Variants in THRB observed in about 807,000 individuals in gnomAD.
THRB encodes thyroid hormone receptor beta.
Under a neutral mutation model 47.8 loss-of-function variants are expected in THRB, and 12 were observed. The observed-to-expected ratio is 0.25, with a 90% CI of 0.16 to 0.41. THRB has a LOEUF of 0.41. THRB is among the 10% of genes least tolerant of loss of function. The pLI is 1.00. For synonymous variants in THRB, 218 were observed against 212.2 expected (o/e 1.03, Z -0.24); for missense variants, 348 against 589.2 (o/e 0.59, Z 4.24).
At chr3:24,146,884 G>T in intron 6 of THRB, 62 bp from the exon 7 acceptor site, 1 of 1,514,394 alleles carries the variant, frequency 6.6e-7, no homozygotes, top group South Asian at 1.1e-5. Flanking sequence ...AGTGATTCTG[G>T]AATTTTGTGT....
intron 4 of THRB, among the ~76,000 whole-genome samples, chr3:24,191,933 G>A (rs1290219107): frequency 6.6e-6 from 1 of 152,210 alleles, no homozygotes; most frequent in Non-Finnish European, 1.5e-5. Flanking sequence ...CACTGTGCTA[G>A]CTTTTGGGTG....
chr3:24,449,649 G>C (rs1057161431), intron 1 of THRB, among the ~76,000 whole-genome samples: 1 of 152,102 alleles, frequency 6.6e-6, no homozygotes, highest in African/African-American at 2.4e-5. Context: ...AGGGATATGA[G>C]GGAAGATTTT....
intron 5 of THRB, among the ~76,000 whole-genome samples, chr3:24,187,917 C>T (rs114678017): frequency 0.024 from 3,646 of 152,282 alleles, 130 homozygotes; most frequent in African/African-American, 0.079. Flanking sequence ...CATTTTTATG[C>T]TGAACCAAGG....
At chr3:24,293,891 A>G (rs1291180107) in intron 3 of THRB, among the ~76,000 whole-genome samples, 1 of 152,178 alleles carries the variant, frequency 6.6e-6, no homozygotes, top group East Asian at 1.9e-4. Flanking sequence ...GTTTTCCTTC[A>G]GAGTCTGAAA....
intron 2 of THRB, among the ~76,000 whole-genome samples, chr3:24,303,254 A>C (rs1483544337): frequency 6.6e-6 from 1 of 152,222 alleles, no homozygotes; most frequent in Non-Finnish European, 1.5e-5. Context: ...TTTGCTGTGA[A>C]TCTTTGCAGT....
rs565934347 is a variant in THRB at position 24,294,602 on chromosome 3, A to G, written c.-43+2624T>C. Among the ~76,000 whole-genome samples, 5 of 152,290 alleles carry G rather than the reference A, an allele frequency of 3.3e-5. No homozygotes were observed. In the South Asian group the frequency reaches 1.0e-3, roughly 32 times the overall value. ...TTGGTCTTTGGATGTGGCTGTGTGA[A>G]CATATGCTGCCTAGAGAGGTGACTC... On this transcript the variant is annotated intron_variant, in intron 3 of 10. Coordinates refer to ENST00000646209, the MANE Select transcript of THRB (RefSeq NM_001354712.2).
At chr3:24,354,504 T>C (rs2063548837) in intron 1 of THRB, among the ~76,000 whole-genome samples, 1 of 152,162 alleles carries the variant, frequency 6.6e-6, no homozygotes, top group Non-Finnish European at 1.5e-5. Flanking sequence ...TTGTCTATAT[T>C]GGGAAAGCAA....
intron 1 of THRB, among the ~76,000 whole-genome samples, chr3:24,366,878 C>T (rs2064514735): frequency 1.3e-5 from 2 of 152,028 alleles, no homozygotes; most frequent in Admixed American, 1.3e-4. Context: ...CCACTTCGGC[C>T]TCCCAAAGTG....
At chr3:24,139,574 T>C (rs1321422059) in intron 8 of THRB, among the ~76,000 whole-genome samples, 1 of 152,098 alleles carries the variant, frequency 6.6e-6, no homozygotes, top group East Asian at 1.9e-4. Context: ...TTTGTAGAGA[T>C]GGAGTCTCGC....
chr3:24,272,344 T>A (rs2053425794), intron 3 of THRB, among the ~76,000 whole-genome samples: 1 of 92,254 alleles, frequency 1.1e-5, no homozygotes, highest in African/African-American at 3.8e-5. Context: ...AGACTCTCTC[T>A]CAAAACAACA....
chr3:24,380,815 C>T (rs969478401), intron 1 of THRB, among the ~76,000 whole-genome samples: 9 of 152,100 alleles, frequency 5.9e-5, no homozygotes, highest in South Asian at 4.1e-4. Context: ...CAAGGTCACA[C>T]GGTCAAAATT....
intron 1 of THRB, among the ~76,000 whole-genome samples, chr3:24,480,017 G>A (rs1393755514): frequency 2.0e-5 from 3 of 152,184 alleles, no homozygotes; most frequent in Non-Finnish European, 2.9e-5. Flanking sequence ...AGCATTCCAT[G>A]CTGTATAAGA....
At chr3:24,364,396 C>T (rs992898593) in intron 1 of THRB, among the ~76,000 whole-genome samples, 3 of 152,142 alleles carry the variant, frequency 2.0e-5, no homozygotes, top group African/African-American at 7.2e-5. Context: ...TACTATATGT[C>T]AGGCACTTTA....
chr3:24,148,559 G>A (rs1010805407), intron 6 of THRB, among the ~76,000 whole-genome samples: 23 of 152,208 alleles, frequency 1.5e-4, no homozygotes, highest in African/African-American at 5.5e-4. Context: ...ACTGTTCCTG[G>A]TGGCAAAACA....
At chr3:24,313,324 T>C (rs965337736) in intron 2 of THRB, among the ~76,000 whole-genome samples, 1 of 152,168 alleles carries the variant, frequency 6.6e-6, no homozygotes, top group Non-Finnish European at 1.5e-5. Flanking sequence ...TCCTTGAAGG[T>C]GAGGGACCCC....
intron 1 of THRB, among the ~76,000 whole-genome samples, chr3:24,369,561 C>A (rs548758083): frequency 2.0e-5 from 3 of 152,116 alleles, no homozygotes; most frequent in African/African-American, 7.2e-5. Context: ...AGAAGTCTAT[C>A]CATTGGTCTA....
intron 1 of THRB, among the ~76,000 whole-genome samples, chr3:24,366,753 T>G (rs1256099081): frequency 6.6e-6 from 1 of 151,748 alleles, no homozygotes; most frequent in East Asian, 1.9e-4. Context: ...CCCGAGAAGC[T>G]GGGATTACAG....
chr3:24,142,827 A>G (rs187745520), intron 8 of THRB, among the ~76,000 whole-genome samples: 1 of 152,318 alleles, frequency 6.6e-6, no homozygotes, highest in East Asian at 1.9e-4. Flanking sequence ...TAAAATGGGG[A>G]TAGTAATTCC....
intron 1 of THRB, among the ~76,000 whole-genome samples, chr3:24,395,974 G>A (rs996806961): frequency 3.9e-5 from 6 of 152,052 alleles, no homozygotes; most frequent in Admixed American, 2.6e-4. Flanking sequence ...ATAAGTAGTT[G>A]CCTAGAGGTA....
Sources: allele counts gnomAD v4.1 joint callset (sites outside exome capture counted in the v4.1 genomes callset), GRCh38; gene constraint gnomAD v4.1.1; transcripts MANE v1.5; gene names NCBI Gene and HGNC (gene_info 2026-07-23, HGNC 2026-07-21).